The following PADI2 variants were observed in gnomAD, a reference collection of about 807,000 sequenced individuals.
PADI2 encodes the protein peptidyl arginine deiminase 2.
A neutral mutation model predicts 81.1 loss-of-function variants in PADI2; 70 were observed. The observed-to-expected ratio is 0.86, with a 90% CI of 0.71 to 1.05. The LOEUF (loss-of-function observed/expected upper bound fraction) is 1.05, where lower values mean the gene tolerates loss of function less well. PADI2 is among the 50% of genes least tolerant of loss of function. PADI2 has a pLI of 0.00. For missense variants in PADI2, 853 were observed against 889.9 expected (o/e 0.96, Z 0.53); for synonymous variants, 338 against 358.0 (o/e 0.94, Z 0.63).
chr1:17,092,627 C>G (rs1359408923), intron 5 of PADI2, 94 bp from the exon 6 acceptor site: 1 of 1,176,566 alleles, frequency 8.5e-7, no homozygotes, highest in African/African-American at 1.5e-5. Flanking sequence ...AAAAAATCCC[C>G]ATGGATGTGT....
chr1:17,095,650 T>G (rs1018809802), intron 4 of PADI2, among the ~76,000 whole-genome samples: 2 of 152,168 alleles, frequency 1.3e-5, no homozygotes, highest in African/African-American at 4.8e-5. Context: ...GCGGGCACAT[T>G]TATCCTTCCC....
chr1:17,086,848 G>A (rs1276384398), intron 6 of PADI2, 149 bp from the exon 7 acceptor site: 9 of 649,482 alleles, frequency 1.4e-5, no homozygotes, highest in East Asian at 5.5e-5. Flanking sequence ...GAATGGCCAT[G>A]GCTAGGTCAT....
At chr1:17,076,435 G>A (rs917766232) in intron 11 of PADI2, among the ~76,000 whole-genome samples, 21 of 152,202 alleles carry the variant, frequency 1.4e-4, no homozygotes, top group Admixed American at 4.6e-4. Flanking sequence ...AGCTGGTCTT[G>A]AACTCCTGAC....
At chr1:17,106,106 G>T (rs1184902463) in intron 1 of PADI2, among the ~76,000 whole-genome samples, 1 of 152,196 alleles carries the variant, frequency 6.6e-6, no homozygotes, top group East Asian at 1.9e-4. Flanking sequence ...CAGGGCAGAG[G>T]TGGGGTGTCT....
At chr1:17,112,754 C>G (rs568717333) in intron 1 of PADI2, among the ~76,000 whole-genome samples, 2 of 152,186 alleles carry the variant, frequency 1.3e-5, no homozygotes, top group African/African-American at 4.8e-5. Context: ...CCAGCTGTCC[C>G]GGGCCTCTCC....
Position 17,069,143 on chromosome 1 carries a change from G to A in PADI2, c.1899C>T (p.Asp633=), listed in dbSNP as rs61731909. 6.8e-5 allele frequency: 110 copies of A among 1,614,224 alleles called. No individual in the cohort carries two copies. Among genetic ancestry groups the A allele is most frequent in the South Asian group, 3.3e-4 (30 of 91,092 alleles). Residue 633 remains aspartate (D), a synonymous_variant, in exon 16 of 16, where the codon GAC becomes GAT. Coordinates refer to ENST00000375486, the MANE Select transcript of PADI2 (RefSeq NM_007365.3). ...GAAATTTGTGGTAGGCAGAAATGTC[G>A]TCGATGAAGGTGCATTCGAGGCCCA... ...EPLGLECTFI[D]DISAYHKFLG... is the part of the protein sequence containing the mutation.
intron 6 of PADI2, among the ~76,000 whole-genome samples, chr1:17,092,020 G>T (rs1221705781): frequency 6.6e-6 from 1 of 152,046 alleles, no homozygotes; most frequent in South Asian, 2.1e-4. Context: ...ACTCTTCAAG[G>T]GTGCCCACTG....
At chr1:17,106,044 T>C (rs771058396) in intron 1 of PADI2, among the ~76,000 whole-genome samples, 1 of 152,070 alleles carries the variant, frequency 6.6e-6, no homozygotes, top group Non-Finnish European at 1.5e-5. Context: ...CCAGGGTCGC[T>C]GAGTAAAGTG....
Position 17,071,462 on chromosome 1 carries a change from T to C in PADI2, c.1579A>G (p.Thr527Ala), listed in dbSNP as rs2078264355. The C allele has an allele frequency of 6.2e-7, 1 of 1,614,004 alleles. No homozygotes were observed. The highest frequency in any genetic ancestry group is 8.5e-7 in the Non-Finnish European group (1 of 1,179,980). ...GLGGMSSKRITINKILSNESL... is the reference protein window; with the variant it reads ...GLGGMSSKRIAINKILSNESL... ...TCGTTGGACAGAATCTTGTTGATGGTGATTCGCTTGCTGCTCATCCCACCC... is the reference window on the plus strand; with the variant it reads ...TCGTTGGACAGAATCTTGTTGATGGCGATTCGCTTGCTGCTCATCCCACCC... The change falls in exon 14 of 16, where the codon ACC becomes GCC. Residue 527 changes from threonine to alanine, a missense_variant. Physicochemically the swap from Thr to Ala is moderately conservative, Grantham distance 58 (BLOSUM62 0). Transcript: ENST00000375486.
intron 2 of PADI2, 133 bp from the exon 3 acceptor site, chr1:17,103,192 C>T: frequency 1.5e-6 from 1 of 672,416 alleles, no homozygotes; most frequent in African/African-American, 1.8e-5. Flanking sequence ...TCAGAACCCT[C>T]TCCTCCAGGA....
chr1:17,077,914 G>A (rs1483860624), intron 11 of PADI2, among the ~76,000 whole-genome samples: 1 of 152,122 alleles, frequency 6.6e-6, no homozygotes, highest in Admixed American at 6.5e-5. Flanking sequence ...GGGTCAACTG[G>A]GCAGGGAGTG....
At chr1:17,105,837 G>T (rs1161127479) in intron 1 of PADI2, among the ~76,000 whole-genome samples, 1 of 152,148 alleles carries the variant, frequency 6.6e-6, no homozygotes, top group Non-Finnish European at 1.5e-5. Flanking sequence ...AAATCTCTTG[G>T]GCCAATCTTG....
Position 17,098,349 on chromosome 1 carries a change from G to A in PADI2, c.350-2379C>T, listed in dbSNP as rs1205951539. 3.3e-5 allele frequency among the ~76,000 whole-genome samples: 5 copies of A among 152,334 alleles called. 1 individual carries two copies. The highest frequency in any genetic ancestry group is 1.2e-4 in the African/African-American group (5 of 41,566). ...TGACATTACATTGGGACTCCTTGTG[G>A]CGAGTCCATTAAAGCAGTGGGGCCG... On this transcript the variant is annotated intron_variant, in intron 3 of 15. Transcript: ENST00000375486.
chr1:17,102,990 T>A lies in PADI2; in HGVS notation c.346A>T (p.Ile116Phe), dbSNP rs1194599267. The A allele has an allele frequency of 6.2e-7, 1 of 1,609,316 alleles. No individual in the cohort carries two copies. Among genetic ancestry groups the A allele is most frequent in the Non-Finnish European group, 8.5e-7 (1 of 1,177,312 alleles). The change falls in exon 3 of 16, where the codon ATT (isoleucine) becomes TTT (phenylalanine). Residue 116 changes from isoleucine (I) to phenylalanine (F), a missense_variant. Coordinates refer to ENST00000375486, the MANE Select transcript of PADI2 (RefSeq NM_007365.3). Reference sequence around the variant, plus strand: ...GACGGCAACCATGCCAACTCACCAATGGCTGTGAGGAAGAGCCCCGCCTGG... The same window carrying A: ...GACGGCAACCATGCCAACTCACCAAAGGCTGTGAGGAAGAGCCCCGCCTGG... ...IDQAGLFLTAIEISLDVDADR... is the reference protein window; with the variant it reads ...IDQAGLFLTAFEISLDVDADR...
chr1:17,100,292 G>A (rs1364589914), intron 3 of PADI2, among the ~76,000 whole-genome samples: 2 of 152,058 alleles, frequency 1.3e-5, no homozygotes, highest in African/African-American at 4.8e-5. Flanking sequence ...GTTTTGTTTT[G>A]TGTTATTTTT....
At chr1:17,093,025 C>T (rs2101593881) in intron 5 of PADI2, among the ~76,000 whole-genome samples, 1 of 151,786 alleles carries the variant, frequency 6.6e-6, no homozygotes, top group African/African-American at 2.4e-5. Context: ...TTGTCATTTC[C>T]AACACTAGAG....
chr1:17,086,688 C>T lies in PADI2; in HGVS notation c.667G>A (p.Gly223Ser), dbSNP rs752019945. 23 of 1,613,622 alleles carry T rather than the reference C, an allele frequency of 1.4e-5. No individual in the cohort carries two copies. Among genetic ancestry groups the T allele is most frequent in the East Asian group, 2.2e-5 (1 of 44,874 alleles). Reference sequence around the variant, plus strand: ...CCCAGGATGTGGATATAGCGTTGGCCGAAGAACGGGTCTGGAGGGAAAAGG... The same window carrying T: ...CCCAGGATGTGGATATAGCGTTGGCTGAAGAACGGGTCTGGAGGGAAAAGG... ...GVFYVENPFF[G>S]QRYIHILGRR... The change falls in exon 7 of 16, where the codon GGC (glycine) becomes AGC (serine). Residue 223 changes from glycine to serine, a missense_variant. Transcript: ENST00000375486.
chr1:17,068,855 TG>T lies in PADI2; in HGVS notation c.*188del. 1.7e-6 allele frequency: 1 copy of T among 604,854 alleles called. No individual in the cohort carries two copies. The allele number at this position is 604,854 out of a possible 1,614,324, so 37.5% of individuals were successfully genotyped here. ...CAGCAGGGACAGAGTCGAGGCTCAC[TG>T]GGGATGGCTTCAGAGGACACTGAGG... On this transcript the variant is annotated 3_prime_UTR_variant, in exon 16 of 16. Transcript: ENST00000375486.
intron 3 of PADI2, among the ~76,000 whole-genome samples, chr1:17,099,417 C>T (rs150791559): frequency 1.3e-3 from 193 of 152,244 alleles, no homozygotes; most frequent in African/African-American, 4.5e-3. Flanking sequence ...CTTGCTCTCC[C>T]CCATCCCTCC....
Sources: allele counts gnomAD v4.1 joint callset (sites outside exome capture counted in the v4.1 genomes callset), GRCh38; gene constraint gnomAD v4.1.1; transcripts MANE v1.5; gene names NCBI Gene and HGNC (gene_info 2026-07-23, HGNC 2026-07-21).